CASZ1: variants seen among roughly 807,000 people sequenced by gnomAD.
CASZ1 encodes zinc finger protein castor homolog 1.
CASZ1 carries 28 observed loss-of-function variants against 135.2 expected under a neutral mutation model. That is an observed-to-expected ratio of 0.21 (90% CI 0.15 to 0.28). The LOEUF is 0.28. CASZ1 is among the 10% of genes least tolerant of loss of function. The pLI, the probability that CASZ1 is intolerant of heterozygous loss-of-function variation, is 1.00. For missense variants in CASZ1, 2,161 were observed against 2,453.3 expected (o/e 0.88, Z 2.52); for synonymous variants, 1,068 against 1,073.4 (o/e 0.99, Z 0.10).
chr1:10,737,468 A>G (rs1639822440), intron 2 of CASZ1, among the ~76,000 whole-genome samples: 1 of 152,252 alleles, frequency 6.6e-6, no homozygotes, highest in African/African-American at 2.4e-5. Flanking sequence ...TGGAGGGCAG[A>G]GAAGTGGGTG....
chr1:10,675,491 G>C (rs1000701318), intron 4 of CASZ1, among the ~76,000 whole-genome samples: 6 of 152,128 alleles, frequency 3.9e-5, no homozygotes, highest in Admixed American at 6.5e-5. Flanking sequence ...CTTCAAGAGG[G>C]GTGAGGCCAG....
chr1:10,692,026 G>A (rs1210029689), intron 4 of CASZ1, among the ~76,000 whole-genome samples: 1 of 152,200 alleles, frequency 6.6e-6, no homozygotes, highest in East Asian at 1.9e-4. Flanking sequence ...AAAGTTTCCA[G>A]AGCCTGTCCC....
At position 10,739,918 on chromosome 1, in the gene CASZ1, C is replaced by T. The variant is rs929134423; in HGVS notation, c.-77+20783G>A. Among the ~76,000 whole-genome samples the T allele has an allele frequency of 2.0e-5, 3 of 152,174 alleles. No individual in the cohort carries two copies. The highest frequency in any genetic ancestry group is 2.1e-4 in the South Asian group (1 of 4,828). On this transcript the variant is annotated intron_variant, in intron 2 of 20. Transcript: ENST00000377022. This position sits in a 1 kb window ranked among gnomAD's most constrained non-coding sequence, Gnocchi z 4.8. ...CCCTCCTGAAAGGGCGAAACTCAGT[C>T]GTTCAGGGAGAAAGGGACCACAGCC... is the stretch of plus-strand genomic sequence containing the variant.
rs868800166 is a variant in CASZ1 at position 10,719,025 on chromosome 1, G to A, written c.-76-13481C>T. On this transcript the variant is annotated intron_variant, in intron 2 of 20. Transcript: ENST00000377022. This position sits in a 1 kb window ranked among gnomAD's most constrained non-coding sequence, Gnocchi z 4.0. ...CTTTCCGGGTTCAAGCAATTGTTGT[G>A]CCTCAGCCTCCCGAGTAACTGGGAT... 6.6e-6 allele frequency among the ~76,000 whole-genome samples: 1 copy of A among 152,022 alleles called. No individual in the cohort carries two copies. Among genetic ancestry groups the A allele is most frequent in the Non-Finnish European group, 1.5e-5 (1 of 67,996 alleles).
At chr1:10,675,116 C>T (rs1643526077) in intron 4 of CASZ1, among the ~76,000 whole-genome samples, 1 of 152,240 alleles carries the variant, frequency 6.6e-6, no homozygotes, top group South Asian at 2.1e-4. Flanking sequence ...CACTCCCGGC[C>T]CATGTTTGCA....
intron 5 of CASZ1, chr1:10,660,801 G>T (rs1041470059): frequency 7.7e-6 from 4 of 518,996 alleles, no homozygotes; most frequent in African/African-American, 7.6e-5. Flanking sequence ...TCTGGCCGAT[G>T]GCTTTTCAGT....
intron 1 of CASZ1, among the ~76,000 whole-genome samples, chr1:10,790,596 C>T (rs1229638990): frequency 1.3e-5 from 2 of 152,222 alleles, no homozygotes; most frequent in African/African-American, 4.8e-5. Flanking sequence ...ATAAATCTCT[C>T]TTCTTTATAT....
At chr1:10,764,254 A>T (rs559640752) in intron 1 of CASZ1, among the ~76,000 whole-genome samples, 7 of 152,304 alleles carry the variant, frequency 4.6e-5, no homozygotes, top group East Asian at 3.9e-4. Context: ...AGCCCTGTGA[A>T]TTAACAGCTC....
In CASZ1 at chr1:10,665,519, G is replaced by A; in HGVS notation, c.69C>T (p.Pro23=). 2 of 1,599,226 alleles carry A rather than the reference G, an allele frequency of 1.3e-6. No homozygotes were observed. Among genetic ancestry groups the A allele is most frequent in the Non-Finnish European group, 1.7e-6 (2 of 1,177,584 alleles). Residue 23 remains proline (P), a synonymous_variant, in exon 5 of 21, where the codon CCC becomes CCT. Transcript: ENST00000377022. ...DPPAGKPAMA[P]KRKGGLKLNA... Reference sequence around the variant, plus strand: ...TCAGCTTCAGGCCACCCTTGCGTTTGGGCGCCATGGCGGGCTTGCCTGCAG... The same window carrying A: ...TCAGCTTCAGGCCACCCTTGCGTTTAGGCGCCATGGCGGGCTTGCCTGCAG...
At chr1:10,675,554 G>A (rs983640205) in intron 4 of CASZ1, among the ~76,000 whole-genome samples, 9 of 152,092 alleles carry the variant, frequency 5.9e-5, no homozygotes, top group Non-Finnish European at 1.2e-4. Flanking sequence ...GGTCACATCC[G>A]GCCAACTCCG....
At chr1:10,651,189 T>A in intron 11 of CASZ1, 113 bp from the exon 12 acceptor site, 1 of 789,676 alleles carries the variant, frequency 1.3e-6, no homozygotes, top group Non-Finnish European at 1.8e-6. Context: ...CCCCGGCTAC[T>A]GGTCAGCGCT....
intron 2 of CASZ1, among the ~76,000 whole-genome samples, chr1:10,715,243 G>C (rs1009957181): frequency 6.6e-6 from 1 of 152,152 alleles, no homozygotes; most frequent in African/African-American, 2.4e-5. Flanking sequence ...TGGCCTCTCG[G>C]CCATGTTTGG....
chr1:10,696,553 G>C (rs1373096323), intron 3 of CASZ1, among the ~76,000 whole-genome samples: 2 of 152,226 alleles, frequency 1.3e-5, no homozygotes, highest in South Asian at 2.1e-4. Context: ...TGCTCCCAAT[G>C]ACTCCCCAAA....
intron 4 of CASZ1, among the ~76,000 whole-genome samples, chr1:10,689,042 A>G (rs1299864135): frequency 6.6e-6 from 1 of 152,226 alleles, no homozygotes; most frequent in Non-Finnish European, 1.5e-5. Context: ...GTCAGGGTGT[A>G]AAAATCAGCT....
chr1:10,716,053 C>A (rs1172404088), intron 2 of CASZ1, among the ~76,000 whole-genome samples: 1 of 145,804 alleles, frequency 6.9e-6, no homozygotes, highest in Non-Finnish European at 1.5e-5. Flanking sequence ...AGCACCCAAT[C>A]CGCACCCCAC....
chr1:10,676,474 G>C lies in CASZ1; in HGVS notation c.17-10903C>G, dbSNP rs1638228081. ...TGCAGGCTCTTCCCACCAGGACAAAGAAGACACCAAGAGCCCCCGGGGAGG... is the reference window on the plus strand; with the variant it reads ...TGCAGGCTCTTCCCACCAGGACAAACAAGACACCAAGAGCCCCCGGGGAGG... On this transcript the variant is annotated intron_variant, in intron 4 of 20. Coordinates refer to ENST00000377022, the MANE Select transcript of CASZ1 (RefSeq NM_001079843.3). This position sits in a 1 kb window ranked among gnomAD's most constrained non-coding sequence, Gnocchi z 4.5. 6.6e-6 allele frequency among the ~76,000 whole-genome samples: 1 copy of C among 152,124 alleles called. No individual in the cohort carries two copies. Among genetic ancestry groups the C allele is most frequent in the Non-Finnish European group, 1.5e-5 (1 of 68,018 alleles).
At chr1:10,688,889 C>G (rs1370311254) in intron 4 of CASZ1, among the ~76,000 whole-genome samples, 1 of 152,160 alleles carries the variant, frequency 6.6e-6, no homozygotes, top group Non-Finnish European at 1.5e-5. Flanking sequence ...CTCATTGTAC[C>G]CTGGCCCAGC....
Position 10,735,018 on chromosome 1 carries a change from A to G in CASZ1, c.-77+25683T>C, listed in dbSNP as rs1201297781. 2.0e-5 allele frequency among the ~76,000 whole-genome samples: 3 copies of G among 152,016 alleles called. No individual in the cohort carries two copies. Among genetic ancestry groups the G allele is most frequent in the Non-Finnish European group, 4.4e-5 (3 of 67,992 alleles). ...CCACATACTCTCAACTCCCCGCCCC[A>G]TGACCAACGGGACCCTGGGAGGACG... On this transcript the variant is annotated intron_variant, in intron 2 of 20. Transcript: ENST00000377022. The surrounding 1 kb of genome is among the most constrained non-coding windows in gnomAD (Gnocchi z 5.1).
chr1:10,728,552 C>T (rs1340056326), intron 2 of CASZ1, among the ~76,000 whole-genome samples: 1 of 152,192 alleles, frequency 6.6e-6, no homozygotes, highest in Non-Finnish European at 1.5e-5. Flanking sequence ...CTACTGGCCT[C>T]TTGCTCTCTT....
Sources: allele counts gnomAD v4.1 joint callset (sites outside exome capture counted in the v4.1 genomes callset), GRCh38; gene constraint gnomAD v4.1.1; non-coding constraint Gnocchi (gnomAD v3.1); transcripts MANE v1.5; gene names NCBI Gene and HGNC (gene_info 2026-07-23, HGNC 2026-07-21).